Variants in CCDC187 observed in about 807,000 individuals in gnomAD.
CCDC187 encodes coiled-coil domain-containing protein 187.
Under a neutral mutation model 38.0 loss-of-function variants are expected in CCDC187, and 32 were observed. That is an observed-to-expected ratio of 0.84 (90% CI 0.64 to 1.13). The LOEUF (loss-of-function observed/expected upper bound fraction) is 1.13. Ranked by LOEUF, CCDC187 falls within the 50% of genes most tolerant of loss-of-function variation. The pLI, the probability that CCDC187 is intolerant of heterozygous loss-of-function variation, is 0.00. For missense variants in CCDC187, 707 were observed against 786.8 expected, an observed-to-expected ratio of 0.90 and a Z score of 1.21; for synonymous variants, 333 against 347.9, an observed-to-expected ratio of 0.96 and a Z score of 0.48.
At chr9:136,295,632 T>C (rs1831516030) in intron 4 of CCDC187, among the ~76,000 whole-genome samples, 2 of 152,242 alleles carry the variant, frequency 1.3e-5, no homozygotes, top group African/African-American at 4.8e-5. Context: ...ATTCATCCAA[T>C]TCCCAAGTCC....
At chr9:136,302,252 G>C (rs1374144790) in intron 2 of CCDC187, among the ~76,000 whole-genome samples, 2 of 152,114 alleles carry the variant, frequency 1.3e-5, no homozygotes, top group African/African-American at 4.8e-5. Context: ...CTTAGGAAAA[G>C]AGTTAAATAC....
intron 10 of CCDC187, among the ~76,000 whole-genome samples, chr9:136,278,142 G>C (rs1201765226): frequency 6.6e-6 from 1 of 152,238 alleles, no homozygotes; most frequent in East Asian, 1.9e-4. Flanking sequence ...GTTCTGAGCT[G>C]AAATTCCTTT....
intron 14 of CCDC187, among the ~76,000 whole-genome samples, chr9:136,269,154 CT>C (rs1332945988): frequency 6.6e-6 from 1 of 152,214 alleles, no homozygotes; most frequent in Non-Finnish European, 1.5e-5. Flanking sequence ...GTAATGACGC[CT>C]GTTTCCAGTA....
chr9:136,301,510 G>A (rs953568947), intron 2 of CCDC187, among the ~76,000 whole-genome samples: 4 of 152,034 alleles, frequency 2.6e-5, no homozygotes, highest in East Asian at 1.9e-4. Flanking sequence ...CTGCAGGACC[G>A]TGAATGTGCT....
intron 7 of CCDC187, among the ~76,000 whole-genome samples, chr9:136,287,067 TCA>T (rs1346697681): frequency 6.6e-6 from 1 of 152,208 alleles, no homozygotes; most frequent in Non-Finnish European, 1.5e-5. Context: ...TCACCCATGT[TCA>T]CAGCAGCCTT....
chr9:136,265,928 T>A, intron 17 of CCDC187, 28 bp downstream of exon 17: 1 of 978,288 alleles, frequency 1.0e-6, no homozygotes, highest in Non-Finnish European at 1.2e-6. Context: ...CCGCCCACCC[T>A]GACCCACCAG....
chr9:136,271,781 G>A (rs879962526), intron 14 of CCDC187, among the ~76,000 whole-genome samples: 2 of 151,626 alleles, frequency 1.3e-5, no homozygotes, highest in Non-Finnish European at 2.9e-5. Flanking sequence ...CTAATTTTTT[G>A]TATTTTTAGT....
At chr9:136,304,594 G>A (rs904732288), upstream of CCDC187, among the ~76,000 whole-genome samples, 19 of 152,322 alleles carry the variant, frequency 1.2e-4, no homozygotes, top group Middle Eastern at 3.4e-3. Flanking sequence ...CAGTGGGTCC[G>A]TGACACGGCA....
intron 14 of CCDC187, among the ~76,000 whole-genome samples, chr9:136,268,783 G>A (rs1554762000): frequency 1.3e-5 from 2 of 152,102 alleles, no homozygotes; most frequent in Non-Finnish European, 2.9e-5. Context: ...AGTTTTCCAG[G>A]CACTGGACTT....
At chr9:136,306,455 C>G (rs1427577563), upstream of CCDC187, among the ~76,000 whole-genome samples, 1 of 152,236 alleles carries the variant, frequency 6.6e-6, no homozygotes, top group African/African-American at 2.4e-5. Context: ...TTGCCCATGG[C>G]ACACACTGGC....
chr9:136,283,255 AAAAAC>A (rs1291121000), intron 9 of CCDC187, among the ~76,000 whole-genome samples: 1 of 152,200 alleles, frequency 6.6e-6, no homozygotes, highest in Non-Finnish European at 1.5e-5. Flanking sequence ...TCTCAAAAAT[AAAAAC>A]AAAACAAAAC....
intron 5 of CCDC187, 106 bp downstream of exon 5, chr9:136,292,055 C>A: frequency 2.5e-6 from 1 of 398,088 alleles, no homozygotes; most frequent in Non-Finnish European, 4.4e-6. Flanking sequence ...GAGGCGCCAA[C>A]ACCTCTTCCT....
intron 14 of CCDC187, among the ~76,000 whole-genome samples, chr9:136,273,334 T>A (rs782280581): frequency 6.6e-5 from 10 of 152,162 alleles, no homozygotes; most frequent in Non-Finnish European, 1.5e-4. Flanking sequence ...AGTGGAGATA[T>A]CATGAAACAC....
intron 6 of CCDC187, among the ~76,000 whole-genome samples, 174 bp from the exon 7 acceptor site, chr9:136,290,227 C>T (rs1034719404): frequency 6.6e-5 from 10 of 152,088 alleles, no homozygotes; most frequent in African/African-American, 1.2e-4. Context: ...GGGGTCCCTC[C>T]GGAGCCCCGT....
chr9:136,283,458 C>T (rs961086162), intron 9 of CCDC187, among the ~76,000 whole-genome samples: 2 of 152,256 alleles, frequency 1.3e-5, no homozygotes, highest in East Asian at 1.9e-4. Flanking sequence ...CGAGCAGCGG[C>T]GGAAGCCTTG....
chr9:136,306,156 G>T (rs1334582072), upstream of CCDC187, among the ~76,000 whole-genome samples: 1 of 152,160 alleles, frequency 6.6e-6, no homozygotes, highest in Non-Finnish European at 1.5e-5. Context: ...TGAGTCAAGG[G>T]GTATCCCCTG....
Position 136,290,597 on chromosome 9 carries a change from C to T in CCDC187, c.2016G>A (p.Leu672=). The T allele has an allele frequency of 5.0e-6, 2 of 398,616 alleles. No individual in the cohort carries two copies. Among genetic ancestry groups the T allele is most frequent in the Non-Finnish European group, 8.8e-6 (2 of 226,038 alleles). The allele number at this position is 398,616 out of a possible 1,614,324, so 24.7% of individuals were successfully genotyped here. The stretch of plus-strand genomic sequence containing the variant: ...CCCTCTGCTGCCGGTAGACCTCCTG[C>T]AGCCTCCGGCTCCTCAGCTCCCGTG... ...LRTRELRSRR[L]QEVYRQQREA... Residue 672 remains leucine (L), a synonymous_variant, in exon 6 of 26, where the codon CTG becomes CTA. Coordinates refer to ENST00000638797, the MANE Select transcript of CCDC187 (RefSeq NM_001378188.1).
chr9:136,279,243 G>C (rs943529539), intron 10 of CCDC187, among the ~76,000 whole-genome samples: 29 of 152,140 alleles, frequency 1.9e-4, no homozygotes, highest in African/African-American at 6.7e-4. Context: ...GACAGCTCTG[G>C]TCTGGGTGTT....
chr9:136,293,247 A>T (rs1231749132), intron 4 of CCDC187, among the ~76,000 whole-genome samples: 5 of 144,304 alleles, frequency 3.5e-5, no homozygotes, highest in African/African-American at 8.3e-5. Context: ...TCACACTCAC[A>T]TGCTTACACA....
Sources: allele counts gnomAD v4.1 joint callset (sites outside exome capture counted in the v4.1 genomes callset), GRCh38; gene constraint gnomAD v4.1.1; transcripts MANE v1.5; gene names NCBI Gene and HGNC (gene_info 2026-07-23, HGNC 2026-07-21).